RGS12: variants seen among roughly 807,000 people sequenced by gnomAD.
The protein encoded by RGS12 is regulator of G protein signaling 12.
In RGS12, 66 loss-of-function variants were observed where a neutral mutation model predicts 120.1. That is an observed-to-expected ratio of 0.55 (90% CI 0.45 to 0.67). The LOEUF is 0.67. Ranked by LOEUF, RGS12 falls within the 30% of genes least tolerant of loss-of-function variation. The pLI is 0.00. For synonymous variants in RGS12, 827 were observed against 804.7 expected (o/e 1.03, Z -0.47); for missense variants, 1,859 against 1,957.7 (o/e 0.95, Z 0.95).
chr4:3,384,132 C>G (rs1412971491), intron 3 of RGS12, among the ~76,000 whole-genome samples: 1 of 152,086 alleles, frequency 6.6e-6, no homozygotes, highest in East Asian at 1.9e-4. Flanking sequence ...TTCTCATAAT[C>G]TCAAAGGTAT....
chr4:3,356,988 G>A (rs1714957098), intron 3 of RGS12, among the ~76,000 whole-genome samples: 1 of 152,168 alleles, frequency 6.6e-6, no homozygotes, highest in East Asian at 1.9e-4. Context: ...CATAGTGGCT[G>A]CACCACTGGA....
chr4:3,369,091 C>A (rs948507110), intron 3 of RGS12, among the ~76,000 whole-genome samples: 3 of 152,098 alleles, frequency 2.0e-5, no homozygotes, highest in Non-Finnish European at 2.9e-5. Context: ...AGGTGGCACC[C>A]CTTTCAGCGA....
At chr4:3,381,175 A>G (rs1289511344) in intron 3 of RGS12, among the ~76,000 whole-genome samples, 1 of 152,124 alleles carries the variant, frequency 6.6e-6, no homozygotes, top group African/African-American at 2.4e-5. Context: ...CTTCCCAACA[A>G]GTTCCTCATC....
At chr4:3,368,546 G>A (rs1328950726) in intron 3 of RGS12, among the ~76,000 whole-genome samples, 4 of 122,134 alleles carry the variant, frequency 3.3e-5, no homozygotes, top group South Asian at 2.9e-4. Context: ...TGTGGGGTAC[G>A]TGTGTGGGGT....
Position 3,317,385 on chromosome 4 carries a change from T to C in RGS12, c.1215T>C (p.Phe405=), listed in dbSNP as rs1355053031. 2.2e-5 allele frequency: 36 copies of C among 1,613,872 alleles called. No homozygotes were observed. Among genetic ancestry groups the C allele is most frequent in the Non-Finnish European group, 2.8e-5 (33 of 1,180,016 alleles). Residue 405 remains phenylalanine, a synonymous_variant, in exon 2 of 18, where the codon TTT becomes TTC. Coordinates refer to ENST00000336727, the MANE Select transcript of RGS12 (RefSeq NM_001394154.1). ...ELIEGMRARA[F]LDGDADAHQN... ...TTGAGGGCATGCGGGCCCGCGCCTTTCTGGACGGGGACGCCGATGCCCACC... is the reference window on the plus strand; with the variant it reads ...TTGAGGGCATGCGGGCCCGCGCCTTCCTGGACGGGGACGCCGATGCCCACC...
In RGS12 at chr4:3,430,498, C is replaced by T. The variant is rs1225504832; in HGVS notation, c.3657C>T (p.Phe1219=). ...LRKEDLVLPE[F]LRLPPGSTEL... ...AGGAAGACCTGGTGTTGCCAGAGTTCCTCCGTTTACCTCCTGGTTCCACAG... is the reference window on the plus strand; with the variant it reads ...AGGAAGACCTGGTGTTGCCAGAGTTTCTCCGTTTACCTCCTGGTTCCACAG... The change falls in exon 17 of 18, where the codon TTC becomes TTT. Residue 1219 remains phenylalanine, a synonymous_variant. Transcript: ENST00000336727. 1 of 1,613,674 alleles carries T rather than the reference C, an allele frequency of 6.2e-7. No individual in the cohort carries two copies. The highest frequency in any genetic ancestry group is 2.2e-5 in the East Asian group (1 of 44,900).
intron 1 of RGS12, 22 bp downstream of exon 1, chr4:3,293,121 C>CGGGGCG (rs1284802573): frequency 1.4e-5 from 2 of 145,896 alleles, no homozygotes; most frequent in Non-Finnish European, 3.0e-5. Flanking sequence ...GGGCCGGGGC[C>CGGGGCG]GGGGCGGGGG....
rs766092839 is a variant in RGS12 at position 3,317,727 on chromosome 4, C to A, written c.1557C>A (p.Val519=). The A allele has an allele frequency of 3.7e-6, 6 of 1,613,394 alleles. No homozygotes were observed. The highest frequency in any genetic ancestry group is 2.2e-5 in the East Asian group (1 of 44,896). ...CCCCAGCTTCCTTGAGGAGCTCAGT[C>A]CCCCCTTCCAAGAGGGGCACCGTGG... The part of the protein sequence containing the change: ...EVPPASLRSS[V]PPSKRGTVGA... The change falls in exon 2 of 18, where the codon GTC becomes GTA. Residue 519 remains valine, a synonymous_variant. Transcript: ENST00000336727.
chr4:3,421,017 T>G (rs1320130612), intron 10 of RGS12, among the ~76,000 whole-genome samples: 1 of 152,264 alleles, frequency 6.6e-6, no homozygotes, highest in Non-Finnish European at 1.5e-5. Context: ...TAAGTCTTTT[T>G]GTTGTAATTT....
chr4:3,382,178 AT>A (rs1718329217), intron 3 of RGS12, among the ~76,000 whole-genome samples: 1 of 152,186 alleles, frequency 6.6e-6, no homozygotes, highest in Admixed American at 6.5e-5. Context: ...CATATTTGTG[AT>A]TATACCATGA....
intron 5 of RGS12, 135 bp downstream of exon 5, chr4:3,414,376 C>T (rs1480941332): frequency 2.1e-6 from 2 of 972,422 alleles, no homozygotes. Context: ...GTCTCCCCTC[C>T]CTGGACCGCC....
At chr4:3,286,718 G>A in the RGS12 span, among the ~76,000 whole-genome samples, 15 of 152,222 alleles carry the variant, frequency 9.9e-5, no homozygotes, top group African/African-American at 3.6e-4. Flanking sequence ...CTGCACACCG[G>A]GGAAAGGCTC....
intron 2 of RGS12, among the ~76,000 whole-genome samples, chr4:3,338,656 C>T (rs13110866): frequency 0.038 from 5,697 of 150,508 alleles, 155 homozygotes; most frequent in South Asian, 0.095. Context: ...GGCGGGCGGG[C>T]GGTGTCTGCT....
At chr4:3,407,252 G>GGCT (rs1721235809) in intron 4 of RGS12, 1 of 152,242 alleles carries the variant, frequency 6.6e-6, no homozygotes, top group African/African-American at 2.4e-5. Flanking sequence ...GCAGCTGAGG[G>GGCT]GCTGCTGTGA....
At chr4:3,290,409 C>T (rs1212864536), upstream of RGS12, among the ~76,000 whole-genome samples, 2 of 152,100 alleles carry the variant, frequency 1.3e-5, no homozygotes, top group Non-Finnish European at 2.9e-5. Context: ...CACCCTTCTA[C>T]TATCCGTCTC....
At chr4:3,355,875 A>G (rs1021824743) in intron 3 of RGS12, among the ~76,000 whole-genome samples, 7 of 151,698 alleles carry the variant, frequency 4.6e-5, no homozygotes, top group African/African-American at 1.7e-4. Flanking sequence ...AAAATGAATT[A>G]ATTCAACAAG....
intron 4 of RGS12, among the ~76,000 whole-genome samples, chr4:3,387,948 A>G (rs1174335325): frequency 1.3e-5 from 2 of 152,166 alleles, no homozygotes; most frequent in African/African-American, 4.8e-5. Flanking sequence ...TTGTTTAAAA[A>G]CCTGCACCTC....
intron 4 of RGS12, among the ~76,000 whole-genome samples, chr4:3,392,962 TG>T (rs1292115257): frequency 6.6e-6 from 1 of 152,212 alleles, no homozygotes; most frequent in Non-Finnish European, 1.5e-5. Context: ...CACTCCAGCC[TG>T]GGGGCAGAGT....
At chr4:3,424,805 G>T (rs1723436528) in intron 13 of RGS12, among the ~76,000 whole-genome samples, 1 of 152,224 alleles carries the variant, frequency 6.6e-6, no homozygotes, top group Non-Finnish European at 1.5e-5. Context: ...TGGTGGAGAA[G>T]GCGGGACCTG....
Sources: allele counts gnomAD v4.1 joint callset (sites outside exome capture counted in the v4.1 genomes callset), GRCh38; gene constraint gnomAD v4.1.1; transcripts MANE v1.5; gene names NCBI Gene and HGNC (gene_info 2026-07-23, HGNC 2026-07-21).